The following HPSE2 variants were observed in gnomAD, a reference collection of about 807,000 sequenced individuals.
The protein encoded by HPSE2 is heparanase 2 (inactive), also known as inactive heparanase-2.
Under a neutral mutation model 60.5 loss-of-function variants are expected in HPSE2, and 38 were observed. That is an observed-to-expected ratio of 0.63 (90% CI 0.48 to 0.82). The LOEUF (loss-of-function observed/expected upper bound fraction) is 0.82, where lower values mean the gene tolerates loss of function less well. HPSE2 is among the 40% of genes least tolerant of loss of function. The probability of loss-of-function intolerance (pLI) is 0.00; values close to 1 mark genes in which losing one functional copy is unlikely to be tolerated. For synonymous variants in HPSE2, 295 were observed against 293.2 expected (o/e 1.01, Z -0.06); for missense variants, 713 against 740.4 (o/e 0.96, Z 0.43).
intron 9 of HPSE2, among the ~76,000 whole-genome samples, chr10:98,521,253 C>T (rs1389238651): frequency 6.6e-6 from 1 of 152,104 alleles, no homozygotes; most frequent in Non-Finnish European, 1.5e-5. Flanking sequence ...TGACAAAGGG[C>T]TAATATCCAG....
At chr10:99,167,813 C>T (rs1847142359) in intron 2 of HPSE2, among the ~76,000 whole-genome samples, 1 of 151,994 alleles carries the variant, frequency 6.6e-6, no homozygotes. Context: ...TGAGTTTAAT[C>T]TATAGGTCAC....
intron 3 of HPSE2, among the ~76,000 whole-genome samples, chr10:98,924,279 C>A (rs775898956): frequency 1.3e-5 from 2 of 152,210 alleles, no homozygotes; most frequent in East Asian, 1.9e-4. Flanking sequence ...GATGCAATCA[C>A]CCCTGTGGCC....
intron 4 of HPSE2, 87 bp downstream of exon 4, chr10:98,743,796 G>A: frequency 8.2e-7 from 1 of 1,221,168 alleles, no homozygotes; most frequent in Non-Finnish European, 1.2e-6. Flanking sequence ...CAGGGTACTA[G>A]AGATGGTCTG....
At chr10:98,663,801 T>C (rs1947287778) in intron 6 of HPSE2, among the ~76,000 whole-genome samples, 1 of 152,156 alleles carries the variant, frequency 6.6e-6, no homozygotes, top group South Asian at 2.1e-4. Flanking sequence ...CCTTGGATCC[T>C]TGAGCAGCCT....
In HPSE2 at chr10:98,829,256, G is replaced by A. The variant is rs139039809; in HGVS notation, c.611-85200C>T. Among the ~76,000 whole-genome samples, 566 of 152,236 alleles carry A rather than the reference G, an allele frequency of 3.7e-3. 3 individuals are homozygous for A. The highest frequency in any genetic ancestry group is 0.013 in the African/African-American group (534 of 41,550). On this transcript the variant is annotated intron_variant, in intron 3 of 11. Transcript: ENST00000370552. ...CAAGATGAAGAAAGTTGGGCTGGGC[G>A]CAGTGGCTCACACCTGTAATCCCAG... is the stretch of plus-strand genomic sequence containing the variant.
intron 3 of HPSE2, among the ~76,000 whole-genome samples, chr10:98,772,789 T>C (rs1330346494): frequency 6.6e-6 from 1 of 152,156 alleles, no homozygotes; most frequent in Non-Finnish European, 1.5e-5. Context: ...CTACAAAAAA[T>C]AATCTTCCAT....
chr10:99,099,026 C>A (rs758240611), intron 3 of HPSE2, among the ~76,000 whole-genome samples: 1 of 152,016 alleles, frequency 6.6e-6, no homozygotes, highest in Non-Finnish European at 1.5e-5. Flanking sequence ...TCCAAGATGG[C>A]CAAATAGGAA....
chr10:98,596,268 AC>A (rs1564998131), intron 9 of HPSE2, among the ~76,000 whole-genome samples: 1 of 152,218 alleles, frequency 6.6e-6, no homozygotes, highest in Non-Finnish European at 1.5e-5. Flanking sequence ...TAATTTTGAT[AC>A]AACAATTTAA....
chr10:98,546,739 C>T (rs1200401944), intron 9 of HPSE2, among the ~76,000 whole-genome samples: 1 of 150,750 alleles, frequency 6.6e-6, no homozygotes, highest in Admixed American at 6.6e-5. Flanking sequence ...AGGACATAGG[C>T]ATGGGCAAGG....
chr10:99,297,460 T>C, the HPSE2 span, among the ~76,000 whole-genome samples: 1 of 152,210 alleles, frequency 6.6e-6, no homozygotes, highest in Admixed American at 6.5e-5. Flanking sequence ...GGCTAGGCAA[T>C]TGCTTAGAAG....
the HPSE2 span, among the ~76,000 whole-genome samples, chr10:99,274,755 A>G: frequency 1.3e-5 from 2 of 152,244 alleles, no homozygotes; most frequent in Non-Finnish European, 1.5e-5. Flanking sequence ...GAAATTCTCT[A>G]ACAAGGATGG....
chr10:99,039,051 G>A (rs967227391), intron 3 of HPSE2, among the ~76,000 whole-genome samples: 7 of 152,148 alleles, frequency 4.6e-5, no homozygotes, highest in South Asian at 4.1e-4. Context: ...CAGAGGGCGC[G>A]TATCAGCTGT....
At chr10:99,264,417 G>A in the HPSE2 span, among the ~76,000 whole-genome samples, 2 of 151,948 alleles carry the variant, frequency 1.3e-5, no homozygotes, top group South Asian at 2.1e-4. Flanking sequence ...CATCTTTAAC[G>A]AACAATTGCT....
chr10:98,619,638 T>C (rs1270132617), intron 8 of HPSE2, among the ~76,000 whole-genome samples: 1 of 152,186 alleles, frequency 6.6e-6, no homozygotes, highest in Non-Finnish European at 1.5e-5. Context: ...TCCTCACAGA[T>C]AACAAGGCTT....
At chr10:99,239,587 G>A (rs756213557), upstream of HPSE2, among the ~76,000 whole-genome samples, 90 of 151,622 alleles carry the variant, frequency 5.9e-4, 1 homozygote, top group African/African-American at 1.7e-3. Context: ...ACATCGCCAC[G>A]CGCAGCTAAT....
chr10:98,725,380 G>C (rs182959388), intron 4 of HPSE2, among the ~76,000 whole-genome samples: 4 of 152,050 alleles, frequency 2.6e-5, no homozygotes, highest in African/African-American at 4.8e-5. Flanking sequence ...CAAAAACAAG[G>C]AATGGGGAAA....
intron 4 of HPSE2, among the ~76,000 whole-genome samples, chr10:98,725,574 C>T (rs1006816406): frequency 3.1e-4 from 47 of 152,268 alleles, no homozygotes; most frequent in Admixed American, 9.8e-4. Flanking sequence ...AGGACATAGG[C>T]ATGGTCAAGG....
chr10:99,009,713 C>A (rs895648912), intron 3 of HPSE2, among the ~76,000 whole-genome samples: 2 of 152,136 alleles, frequency 1.3e-5, no homozygotes, highest in African/African-American at 4.8e-5. Context: ...GCCAGTGATT[C>A]ACATACTTAG....
At chr10:98,534,647 T>TCAGGTGATCA (rs1943228334) in intron 9 of HPSE2, among the ~76,000 whole-genome samples, 4 of 151,894 alleles carry the variant, frequency 2.6e-5, no homozygotes, top group African/African-American at 9.7e-5. Flanking sequence ...TCAGGTGATC[T>TCAGGTGATCA]GCCCACCTCA....
Sources: allele counts gnomAD v4.1 joint callset (sites outside exome capture counted in the v4.1 genomes callset), GRCh38; gene constraint gnomAD v4.1.1; transcripts MANE v1.5; gene names NCBI Gene and HGNC (gene_info 2026-07-23, HGNC 2026-07-21).